SPAG17: variants seen among roughly 807,000 people sequenced by gnomAD.
SPAG17 encodes sperm associated antigen 17.
A neutral mutation model predicts 273.6 loss-of-function variants in SPAG17; 169 were observed. The ratio of observed to expected loss-of-function variants is 0.62; its 90% CI spans 0.55 to 0.70. The LOEUF (loss-of-function observed/expected upper bound fraction) is 0.70, where lower values mean the gene tolerates loss of function less well. Ranked by LOEUF, SPAG17 falls within the 30% of genes least tolerant of loss-of-function variation. The pLI is 0.00. For synonymous variants in SPAG17, 825 were observed against 873.2 expected (o/e 0.94, Z 0.97); for missense variants, 2,557 against 2,627.8 (o/e 0.97, Z 0.59).
At chr1:118,126,397 T>C (rs1570739727) in intron 3 of SPAG17, among the ~76,000 whole-genome samples, 1 of 151,434 alleles carries the variant, frequency 6.6e-6, no homozygotes, top group Non-Finnish European at 1.5e-5. Flanking sequence ...TTTTTTTTAG[T>C]AGAGACGGGG....
intron 24 of SPAG17, among the ~76,000 whole-genome samples, chr1:118,033,960 C>T (rs1264555682): frequency 6.6e-6 from 1 of 152,108 alleles, no homozygotes; most frequent in Middle Eastern, 3.2e-3. Flanking sequence ...TTTATGTTTT[C>T]CTTGTTCATT....
intron 45 of SPAG17, among the ~76,000 whole-genome samples, chr1:117,971,592 T>G (rs1179019241): frequency 6.6e-6 from 1 of 152,068 alleles, no homozygotes; most frequent in East Asian, 1.9e-4. Flanking sequence ...CTAGTAGAAA[T>G]CAGGATGTGA....
At chr1:118,082,441 G>C (rs1654659404) in intron 13 of SPAG17, among the ~76,000 whole-genome samples, 1 of 152,176 alleles carries the variant, frequency 6.6e-6, no homozygotes, top group African/African-American at 2.4e-5. Context: ...AAAGCAGCAG[G>C]TCCTTTGGGA....
At chr1:118,047,566 G>T (rs1650507374) in intron 20 of SPAG17, among the ~76,000 whole-genome samples, 1 of 152,010 alleles carries the variant, frequency 6.6e-6, no homozygotes, top group South Asian at 2.1e-4. Context: ...CAACCTCTAG[G>T]TCCTTCCTGG....
intron 22 of SPAG17, 152 bp from the exon 23 acceptor site, chr1:118,039,596 G>T: frequency 1.3e-6 from 1 of 764,390 alleles, no homozygotes; most frequent in Non-Finnish European, 2.1e-6. Context: ...GCTAAACATT[G>T]AGCACACATG....
intron 1 of SPAG17, among the ~76,000 whole-genome samples, chr1:118,177,919 T>C (rs1157739189): frequency 6.6e-6 from 1 of 152,174 alleles, no homozygotes; most frequent in African/African-American, 2.4e-5. Flanking sequence ...ATTGAAGCTG[T>C]AATAAAAAAT....
intron 1 of SPAG17, among the ~76,000 whole-genome samples, chr1:118,168,411 A>C (rs1660270522): frequency 1.3e-5 from 2 of 152,230 alleles, no homozygotes. Flanking sequence ...TAGATGCAGT[A>C]ACTAAGATTT....
At chr1:118,116,059 C>T (rs953931200) in intron 3 of SPAG17, among the ~76,000 whole-genome samples, 2 of 152,114 alleles carry the variant, frequency 1.3e-5, no homozygotes, top group Non-Finnish European at 2.9e-5. Flanking sequence ...TGACGACAGC[C>T]ACTAGGAACA....
In SPAG17 at chr1:118,091,636, C is replaced by G; in HGVS notation, c.1329G>C (p.Val443=). The G allele has an allele frequency of 6.2e-7, 1 of 1,611,884 alleles. No individual in the cohort carries two copies. The highest frequency in any genetic ancestry group is 8.5e-7 in the Non-Finnish European group (1 of 1,178,278). The change falls in exon 10 of 49, where the codon GTG becomes GTC. Residue 443 remains valine, a synonymous_variant. Coordinates refer to ENST00000336338, the MANE Select transcript of SPAG17 (RefSeq NM_206996.4). The part of the protein sequence containing the change: ...LNPIREEFIS[V]PLILHCMLEQ... Reference sequence around the variant, plus strand: ...CCAGCATACAATGCAGTATCAGGGGCACAGAAATGAATTCCTCTCGAATTG... The same window carrying G: ...CCAGCATACAATGCAGTATCAGGGGGACAGAAATGAATTCCTCTCGAATTG...
chr1:118,022,470 C>A (rs1161732549), intron 28 of SPAG17, among the ~76,000 whole-genome samples: 1 of 151,944 alleles, frequency 6.6e-6, no homozygotes, highest in African/African-American at 2.4e-5. Flanking sequence ...TTAACCTCAC[C>A]AGCAATTAAA....
At chr1:117,974,684 A>G (rs1292304397) in intron 43 of SPAG17, among the ~76,000 whole-genome samples, 2 of 152,224 alleles carry the variant, frequency 1.3e-5, no homozygotes, top group African/African-American at 4.8e-5. Flanking sequence ...TGAGGGAATG[A>G]GCAAGTGTAG....
At chr1:117,971,755 G>A in intron 45 of SPAG17, 108 bp downstream of exon 45, 1 of 814,848 alleles carries the variant, frequency 1.2e-6, no homozygotes, top group Non-Finnish European at 1.9e-6. Flanking sequence ...AAGATTCAAG[G>A]AGTAATTACA....
At chr1:118,130,258 C>A (rs1657983355) in intron 3 of SPAG17, among the ~76,000 whole-genome samples, 1 of 152,114 alleles carries the variant, frequency 6.6e-6, no homozygotes, top group South Asian at 2.1e-4. Context: ...ATGCTGTGTG[C>A]CACCTACCCC....
intron 20 of SPAG17, among the ~76,000 whole-genome samples, chr1:118,053,219 T>A (rs1303550971): frequency 6.6e-6 from 1 of 152,052 alleles, no homozygotes; most frequent in Non-Finnish European, 1.5e-5. Context: ...CAATTAACAA[T>A]AAAGTTGATG....
intron 8 of SPAG17, among the ~76,000 whole-genome samples, chr1:118,092,749 T>C (rs1399172962): frequency 6.6e-6 from 1 of 152,222 alleles, no homozygotes; most frequent in African/African-American, 2.4e-5. Flanking sequence ...TTCATCATGC[T>C]ACGTTGAAAT....
At chr1:118,099,984 G>A (rs965312878) in intron 5 of SPAG17, among the ~76,000 whole-genome samples, 184 bp from the exon 6 acceptor site, 5 of 152,158 alleles carry the variant, frequency 3.3e-5, no homozygotes, top group South Asian at 2.1e-4. Flanking sequence ...CCAGTAAGAC[G>A]GCTGTGACTA....
intron 1 of SPAG17, among the ~76,000 whole-genome samples, chr1:118,162,187 G>C (rs1303577008): frequency 6.6e-6 from 1 of 152,120 alleles, no homozygotes; most frequent in Admixed American, 6.5e-5. Context: ...CTATTTATTG[G>C]ATACGTTAGG....
intron 4 of SPAG17, among the ~76,000 whole-genome samples, chr1:118,112,939 A>T (rs1180358665): frequency 1.3e-5 from 2 of 152,110 alleles, no homozygotes; most frequent in African/African-American, 2.4e-5. Context: ...ATCTTTTTTT[A>T]AAAAGTTTTG....
chr1:118,044,778 C>T (rs890685100), intron 20 of SPAG17, among the ~76,000 whole-genome samples: 4 of 152,108 alleles, frequency 2.6e-5, no homozygotes, highest in Admixed American at 6.6e-5. Context: ...GCACCTCCCC[C>T]TTCATTCTCT....
Sources: allele counts gnomAD v4.1 joint callset (sites outside exome capture counted in the v4.1 genomes callset), GRCh38; gene constraint gnomAD v4.1.1; transcripts MANE v1.5; gene names NCBI Gene and HGNC (gene_info 2026-07-23, HGNC 2026-07-21).